The following SF3A1 variants were observed in gnomAD, a reference collection of about 807,000 sequenced individuals.
SF3A1 encodes SAP 114.
In SF3A1, 13 loss-of-function variants were observed where a neutral mutation model predicts 89.9. The observed-to-expected ratio is 0.14, with a 90% CI of 0.09 to 0.23. The LOEUF is 0.23. Ranked by LOEUF, SF3A1 falls within the 10% of genes least tolerant of loss-of-function variation. The pLI is 1.00. For synonymous variants in SF3A1, 405 were observed against 374.4 expected (o/e 1.08, Z -0.94); for missense variants, 604 against 1,022.1 (o/e 0.59, Z 5.58).
intron 13 of SF3A1, 128 bp downstream of exon 13, chr22:30,336,898 T>G: frequency 9.5e-7 from 1 of 1,056,930 alleles, no homozygotes; most frequent in Non-Finnish European, 1.4e-6. Context: ...CTTAGATGCC[T>G]CCAACAGCTG....
At chr22:30,345,224 CA>C in intron 3 of SF3A1, 34 bp from the exon 4 acceptor site, 3 of 1,590,694 alleles carry the variant, frequency 1.9e-6, no homozygotes, top group Non-Finnish European at 2.6e-6. Context: ...GCGAGAGGCA[CA>C]GGGGTGAACA....
chr22:30,337,445 C>A (rs756119267), intron 12 of SF3A1, among the ~76,000 whole-genome samples: 11 of 152,128 alleles, frequency 7.2e-5, no homozygotes, highest in Non-Finnish European at 1.5e-5. Context: ...GGCCTCTGAG[C>A]CTGTTGGGGA....
Position 30,342,896 on chromosome 22 carries a change from T to C in SF3A1, c.652-17A>G. On this transcript the variant is annotated splice_polypyrimidine_tract_variant and intron_variant, in intron 4 of 15. Coordinates refer to ENST00000215793, the MANE Select transcript of SF3A1 (RefSeq NM_005877.6). The stretch of plus-strand genomic sequence containing the variant: ...AATCAAGATCTGAAATACAGAAGAG[T>C]TAAAGCAACTGTCAGTGCTTTACAA... 6.4e-7 allele frequency: 1 copy of C among 1,553,518 alleles called. No individual in the cohort carries two copies. The highest frequency in any genetic ancestry group is 2.2e-5 in the East Asian group (1 of 44,580).
At chr22:30,338,735 G>C (rs1405156063) in intron 11 of SF3A1, 54 bp downstream of exon 11, 1 of 1,609,910 alleles carries the variant, frequency 6.2e-7, no homozygotes, top group Non-Finnish European at 8.5e-7. Flanking sequence ...AACAGTGTCC[G>C]ACCTCAAGAA....
rs1242285086 is a variant in SF3A1 at position 30,346,914 on chromosome 22, T to C, written c.186-395A>G. Among the ~76,000 whole-genome samples, 7 of 152,224 alleles carry C rather than the reference T, an allele frequency of 4.6e-5. 1 individual carries two copies. Among genetic ancestry groups the C allele is most frequent in the Admixed American group, 3.9e-4 (6 of 15,286 alleles). On this transcript the variant is annotated intron_variant, in intron 2 of 15. Coordinates refer to ENST00000215793, the MANE Select transcript of SF3A1 (RefSeq NM_005877.6). ...TTTACCAACAAAAGGTAGTCAAAAG[T>C]GAACATAATGAAAACAAAGTAATAC...
rs760602863 is a variant in SF3A1 at position 30,353,013 on chromosome 22, C to A, written c.123G>T (p.Gly41=). The change falls in exon 2 of 16, where the codon GGG becomes GGT. Residue 41 remains glycine, a synonymous_variant. Transcript: ENST00000215793. ...TGACCTCTGGAGGAGGGTAAATAAT[C>A]CCCACAACTGGCTTAGAAGGTGCAG... is the stretch of plus-strand genomic sequence containing the variant. The part of the protein sequence containing the change: ...EDSAPSKPVV[G]IIYPPPEVRN... The A allele has an allele frequency of 2.5e-6, 4 of 1,614,036 alleles. No individual in the cohort carries two copies. The South Asian group carries it at 4.4e-5, about 18-fold the overall frequency.
rs1432352024 is a variant in SF3A1 at position 30,356,831 on chromosome 22, G to A, written c.-39C>T. On this transcript the variant is annotated 5_prime_UTR_variant, in exon 1 of 16. Coordinates refer to ENST00000215793, the MANE Select transcript of SF3A1 (RefSeq NM_005877.6). Reference sequence around the variant, plus strand: ...AGGGCTGCCAGTCCGCCTCGGTGTCGGTGAGCGGTGCCGCCTCAAGACAGC... The same window carrying A: ...AGGGCTGCCAGTCCGCCTCGGTGTCAGTGAGCGGTGCCGCCTCAAGACAGC... 2.3e-6 allele frequency: 3 copies of A among 1,310,512 alleles called. No individual in the cohort carries two copies. Among genetic ancestry groups the A allele is most frequent in the Non-Finnish European group, 2.9e-6 (3 of 1,021,696 alleles). 81.2% of individuals were successfully genotyped at this position (1,310,512 alleles called of 1,614,324 possible). A position where few individuals can be genotyped will look rare whatever the true frequency, so the allele number is the denominator to read the frequency against.
chr22:30,342,647 C>T (rs1253450299), intron 5 of SF3A1, 158 bp downstream of exon 5: 2 of 638,492 alleles, frequency 3.1e-6, no homozygotes, highest in Non-Finnish European at 5.5e-6. Context: ...GGGAAGCATC[C>T]GGACTCCAGG....
chr22:30,338,880 T>C lies in SF3A1; in HGVS notation c.1652A>G (p.Asn551Ser), dbSNP rs145469758. The C allele has an allele frequency of 5.5e-5, 89 of 1,614,186 alleles. No homozygotes were observed. The highest frequency in any genetic ancestry group is 3.3e-4 in the Middle Eastern group (2 of 6,062). The change falls in exon 11 of 16, where the codon AAT (asparagine) becomes AGT (serine). Residue 551 changes from asparagine to serine, a missense_variant. By Grantham distance (46) the Asn-to-Ser change is conservative. Around this residue, in one of 9 missense-constraint regions of SF3A1, gnomAD observed 85 missense variants for 137.3 expected, o/e 0.62. Coordinates refer to ENST00000215793, the MANE Select transcript of SF3A1 (RefSeq NM_005877.6). Reference protein sequence around the residue: ...TKEKIGPSKPNEIPQQPPPPS... With the variant: ...TKEKIGPSKPSEIPQQPPPPS... The stretch of plus-strand genomic sequence containing the variant: ...TGGCGGTGGCTGTTGAGGGATTTCA[T>C]TGGGCTTGCTGGGGCCAATCTTCTC...
chr22:30,336,551 T>C (rs894259244), intron 13 of SF3A1, among the ~76,000 whole-genome samples: 14 of 152,114 alleles, frequency 9.2e-5, no homozygotes, highest in African/African-American at 2.7e-4. Context: ...GCCTGACAGC[T>C]TCCCTAGTGA....
intron 4 of SF3A1, among the ~76,000 whole-genome samples, chr22:30,343,392 A>C (rs1435196323): frequency 2.6e-5 from 4 of 152,240 alleles, no homozygotes; most frequent in Non-Finnish European, 5.9e-5. Context: ...CCATGAAGAC[A>C]GGGATTTCTC....
chr22:30,345,069 T>C lies in SF3A1; in HGVS notation c.515A>G (p.Gln172Arg), dbSNP rs1289712822. 6.2e-7 allele frequency: 1 copy of C among 1,614,226 alleles called. No homozygotes were observed. Among genetic ancestry groups the C allele is most frequent in the Non-Finnish European group, 8.5e-7 (1 of 1,180,040 alleles). The change falls in exon 4 of 16, where the codon CAG (glutamine) becomes CGG (arginine). Residue 172 changes from glutamine to arginine, a missense_variant. Physicochemically the swap from Gln to Arg is conservative, Grantham distance 43. Around this residue, in one of 9 missense-constraint regions of SF3A1, gnomAD observed 162 missense variants for 229.2 expected, o/e 0.71. Transcript: ENST00000215793. The stretch of plus-strand genomic sequence containing the variant: ...CTGGCGCCCATTCCTGGCCACAAAC[T>C]GAGCCGTCAGCTTCACCACATCCAA... ...FDLDVVKLTAQFVARNGRQFL... is the reference protein window; with the variant it reads ...FDLDVVKLTARFVARNGRQFL...
At chr22:30,342,037 G>T in intron 6 of SF3A1, 152 bp from the exon 7 acceptor site, 1 of 1,175,834 alleles carries the variant, frequency 8.5e-7, no homozygotes, top group Non-Finnish European at 1.2e-6. Context: ...TTGAATCTAA[G>T]TTGGGCAAAG....
At position 30,334,367 on chromosome 22, in the gene SF3A1, C is replaced by T. The variant is rs1931001763; in HGVS notation, c.*227G>A. The T allele has an allele frequency of 7.1e-6, 3 of 422,928 alleles. No individual in the cohort carries two copies. The highest frequency in any genetic ancestry group is 1.3e-5 in the Non-Finnish European group (3 of 238,638). The allele number at this position is 422,928 out of a possible 1,614,324, so 26.2% of individuals were successfully genotyped here. On this transcript the variant is annotated 3_prime_UTR_variant, in exon 16 of 16. Transcript: ENST00000215793. ...GAATGTCCTCAAATCGAGACCCTAA[C>T]ACAAAGAGATTCCAGAGAGTGGCTT...
chr22:30,350,482 T>C (rs1931560155), intron 2 of SF3A1, among the ~76,000 whole-genome samples: 1 of 151,904 alleles, frequency 6.6e-6, no homozygotes, highest in Non-Finnish European at 1.5e-5. Context: ...ACTCTGTCTC[T>C]AAAAAAGAAA....
At chr22:30,338,066 G>A (rs1341744010) in intron 11 of SF3A1, among the ~76,000 whole-genome samples, 169 bp from the exon 12 acceptor site, 1 of 152,160 alleles carries the variant, frequency 6.6e-6, no homozygotes, top group African/African-American at 2.4e-5. Flanking sequence ...AATAGGAACT[G>A]AGCTGCTGAG....
At chr22:30,355,743 T>C (rs912263208) in intron 1 of SF3A1, among the ~76,000 whole-genome samples, 3 of 151,298 alleles carry the variant, frequency 2.0e-5, no homozygotes, top group Admixed American at 1.3e-4. Context: ...TTTCCCCCAA[T>C]GCCTGGGAAA....
intron 12 of SF3A1, 117 bp from the exon 13 acceptor site, chr22:30,337,297 G>T: frequency 1.0e-6 from 1 of 1,002,114 alleles, no homozygotes; most frequent in Non-Finnish European, 1.4e-6. Flanking sequence ...GGTGTCAAGT[G>T]CTGTTCCCTG....
At chr22:30,343,418 C>T (rs1346837466) in intron 4 of SF3A1, among the ~76,000 whole-genome samples, 2 of 152,238 alleles carry the variant, frequency 1.3e-5, no homozygotes, top group Non-Finnish European at 2.9e-5. Flanking sequence ...TTCACGATTA[C>T]ATCTCCAGCC....
Sources: gnomAD v4.1 joint callset for allele counts (sites outside exome capture counted in the v4.1 genomes callset) on GRCh38, gnomAD v4.1.1 for gene constraint, gnomAD v4.1.1 regional missense constraint, MANE v1.5 for transcripts, NCBI Gene and HGNC (gene_info 2026-07-23, HGNC 2026-07-21) for gene names.